ANO3: variants seen among roughly 807,000 people sequenced by gnomAD.
ANO3 encodes the protein anoctamin 3.
Under a neutral mutation model 144.8 loss-of-function variants are expected in ANO3, and 99 were observed. The ratio of observed to expected loss-of-function variants is 0.68; its 90% CI spans 0.58 to 0.81. The LOEUF (loss-of-function observed/expected upper bound fraction) is 0.81. ANO3 is among the 30% of genes least tolerant of loss of function. The probability of loss-of-function intolerance (pLI) is 0.00; values close to 1 mark genes in which losing one functional copy is unlikely to be tolerated. For missense variants in ANO3, 905 were observed against 1,202.2 expected, an observed-to-expected ratio of 0.75 and a Z score of 3.66; for synonymous variants, 414 against 392.6, an observed-to-expected ratio of 1.05 and a Z score of -0.64.
intron 13 of ANO3, among the ~76,000 whole-genome samples, chr11:26,554,624 C>T (rs1251217361): frequency 6.6e-6 from 1 of 152,102 alleles, no homozygotes; most frequent in Non-Finnish European, 1.5e-5. Flanking sequence ...TTTAACAATT[C>T]TAATGCTCTT....
At chr11:26,321,670 T>C (rs564677705) in intron 1 of ANO3, among the ~76,000 whole-genome samples, 9 of 152,062 alleles carry the variant, frequency 5.9e-5, no homozygotes, top group Non-Finnish European at 1.2e-4. Flanking sequence ...TCATCTTTTA[T>C]CAGCAATCTG....
intron 1 of ANO3, among the ~76,000 whole-genome samples, chr11:26,249,383 T>C (rs1400671500): frequency 1.3e-5 from 2 of 152,126 alleles, no homozygotes; most frequent in Admixed American, 6.5e-5. Context: ...ATACAACACA[T>C]TGAAAGGGAT....
chr11:26,504,193 T>C lies in ANO3; in HGVS notation c.433-3911T>C, dbSNP rs1043000969. Among the ~76,000 whole-genome samples, 3 of 152,198 alleles carry C rather than the reference T, an allele frequency of 2.0e-5. No individual in the cohort carries two copies. The South Asian group carries it at 6.2e-4, about 31-fold the overall frequency. Reference sequence around the variant, plus strand: ...ACTAATTGCGGTGCTACTATAATTGTGTGTTTCTTCATTTTAGCCTATTAT... The same window carrying C: ...ACTAATTGCGGTGCTACTATAATTGCGTGTTTCTTCATTTTAGCCTATTAT... On this transcript the variant is annotated intron_variant, in intron 4 of 26. Coordinates refer to ENST00000256737, the MANE Select transcript of ANO3 (RefSeq NM_031418.4).
At chr11:26,434,119 A>C (rs1395607387) in intron 1 of ANO3, among the ~76,000 whole-genome samples, 1 of 152,070 alleles carries the variant, frequency 6.6e-6, no homozygotes, top group Non-Finnish European at 1.5e-5. Context: ...AGGTCTGTTC[A>C]GGGAATCAAT....
At chr11:26,248,167 A>T (rs958671535) in intron 1 of ANO3, among the ~76,000 whole-genome samples, 2 of 151,828 alleles carry the variant, frequency 1.3e-5, no homozygotes, top group Non-Finnish European at 2.9e-5. Flanking sequence ...GTGAAACCCC[A>T]CCTCTACTAA....
chr11:26,210,909 G>A (rs1851918888), intron 1 of ANO3, among the ~76,000 whole-genome samples: 1 of 151,912 alleles, frequency 6.6e-6, no homozygotes, highest in African/African-American at 2.4e-5. Flanking sequence ...ATAATAGTGG[G>A]AGTCTTTAAC....
chr11:26,617,517 T>A (rs1590637077), intron 17 of ANO3, among the ~76,000 whole-genome samples: 1 of 152,354 alleles, frequency 6.6e-6, no homozygotes, highest in Non-Finnish European at 1.5e-5. Context: ...AATTGAATAC[T>A]AGAACCCATG....
At chr11:26,600,883 AC>A (rs1167031209) in intron 17 of ANO3, among the ~76,000 whole-genome samples, 9 of 151,984 alleles carry the variant, frequency 5.9e-5, no homozygotes, top group African/African-American at 1.9e-4. Context: ...CAAAGAAAGC[AC>A]CTTTTTGTTT....
intron 1 of ANO3, among the ~76,000 whole-genome samples, chr11:26,431,794 C>G (rs1471136149): frequency 6.6e-6 from 1 of 152,102 alleles, no homozygotes; most frequent in African/African-American, 2.4e-5. Flanking sequence ...TTTTATTTAT[C>G]CAGTCTAGCA....
rs189582453 is a variant in ANO3 at position 26,464,767 on chromosome 11, A to G, written c.432+1619A>G. On this transcript the variant is annotated intron_variant, in intron 4 of 26. Coordinates refer to ENST00000256737, the MANE Select transcript of ANO3 (RefSeq NM_031418.4). ...CCCTACTAAATCTACCTGATTACAT[A>G]CCCTTCTCCTATTATACTTCCACTC... 2.6e-5 allele frequency among the ~76,000 whole-genome samples: 4 copies of G among 151,916 alleles called. No individual in the cohort carries two copies. In the East Asian group the frequency reaches 7.8e-4, roughly 30 times the overall value.
intron 1 of ANO3, among the ~76,000 whole-genome samples, chr11:26,236,537 G>A (rs1219247469): frequency 1.3e-5 from 2 of 151,928 alleles, no homozygotes; most frequent in African/African-American, 4.8e-5. Flanking sequence ...TCTAAAAATC[G>A]GCCGGGGGCC....
At chr11:26,279,022 G>C (rs1853619964) in intron 1 of ANO3, among the ~76,000 whole-genome samples, 1 of 152,176 alleles carries the variant, frequency 6.6e-6, no homozygotes, top group African/African-American at 2.4e-5. Flanking sequence ...GGTCAGGGAA[G>C]TTCCAGTGTC....
At chr11:26,653,129 G>A (rs1030479833) in intron 24 of ANO3, among the ~76,000 whole-genome samples, 2 of 152,004 alleles carry the variant, frequency 1.3e-5, no homozygotes, top group South Asian at 2.1e-4. Flanking sequence ...TTCATGGATC[G>A]ATCTACGCTC....
intron 4 of ANO3, among the ~76,000 whole-genome samples, chr11:26,484,935 G>T (rs1374100834): frequency 6.6e-6 from 1 of 152,140 alleles, no homozygotes; most frequent in Non-Finnish European, 1.5e-5. Flanking sequence ...CTTGTTTGGG[G>T]CCTGCAGCCC....
chr11:26,218,155 A>G (rs1463434785), intron 1 of ANO3, among the ~76,000 whole-genome samples: 1 of 152,172 alleles, frequency 6.6e-6, no homozygotes, highest in Admixed American at 6.6e-5. Flanking sequence ...ATGGAAATAC[A>G]GTTTATGAAG....
chr11:26,387,443 T>C (rs969670457), intron 1 of ANO3, among the ~76,000 whole-genome samples: 1 of 152,166 alleles, frequency 6.6e-6, no homozygotes, highest in African/African-American at 2.4e-5. Flanking sequence ...TGTAATCTAC[T>C]ATATGACCCT....
intron 1 of ANO3, chr11:26,286,113 T>C (rs1227957026): frequency 6.6e-6 from 1 of 152,204 alleles, no homozygotes; most frequent in African/African-American, 2.4e-5. Context: ...GGGAATCAGC[T>C]TATTGTCTTC....
chr11:26,634,159 T>C (rs1039682577), intron 18 of ANO3, 45 bp from the exon 19 acceptor site: 21 of 1,198,708 alleles, frequency 1.8e-5, no homozygotes, highest in Admixed American at 3.5e-5. Context: ...AGTCTTGATA[T>C]TCACCTCACC....
chr11:26,291,237 T>G (rs1853949283), intron 1 of ANO3, among the ~76,000 whole-genome samples: 1 of 151,744 alleles, frequency 6.6e-6, no homozygotes, highest in Admixed American at 6.6e-5. Flanking sequence ...CAACCCTTGC[T>G]TTTTTTTGTT....
Sources: gnomAD v4.1 joint callset for allele counts (sites outside exome capture counted in the v4.1 genomes callset) on GRCh38, gnomAD v4.1.1 for gene constraint, MANE v1.5 for transcripts, NCBI Gene and HGNC (gene_info 2026-07-23, HGNC 2026-07-21) for gene names.